PLPP4: variants seen among roughly 807,000 people sequenced by gnomAD.
The protein encoded by PLPP4 is diacylglycerol pyrophosphate like 2.
PLPP4 carries 20 observed loss-of-function variants against 32.2 expected under a neutral mutation model. That is an observed-to-expected ratio of 0.62 (90% CI 0.44 to 0.90). PLPP4 has a LOEUF of 0.90. PLPP4 is among the 40% of genes least tolerant of loss of function. The pLI, the probability that PLPP4 is intolerant of heterozygous loss-of-function variation, is 0.00. For missense variants in PLPP4, 257 were observed against 353.1 expected (o/e 0.73, Z 2.18); for synonymous variants, 127 against 133.0 (o/e 0.95, Z 0.31).
chr10:120,522,060 T>A lies in PLPP4; in HGVS notation c.445+965T>A, dbSNP rs544221000. Among the ~76,000 whole-genome samples, 8 of 152,106 alleles carry A rather than the reference T, an allele frequency of 5.3e-5. No homozygotes were observed. The East Asian group carries it at 1.5e-3, about 29-fold the overall frequency. On this transcript the variant is annotated intron_variant, in intron 5 of 6. Coordinates refer to ENST00000398250, the MANE Select transcript of PLPP4 (RefSeq NM_001030059.3). The stretch of plus-strand genomic sequence containing the variant: ...TGCCCAGGTAGTGACAGATGGTGTA[T>A]TTAAGTTGATGATTCCTGGGATAAT...
rs1446553300 is a variant in PLPP4 at position 120,457,258 on chromosome 10, G to C, written c.-48G>C. The C allele has an allele frequency of 2.8e-6, 4 of 1,417,198 alleles. No individual in the cohort carries two copies. Among genetic ancestry groups the C allele is most frequent in the Non-Finnish European group, 2.8e-6 (3 of 1,070,840 alleles). 87.8% of individuals were successfully genotyped at this position (1,417,198 alleles called of 1,614,324 possible). ...AGCCGGCGCCGGCCGAGCTGCGGGAGCCGCGGAGAGCACCAGCTGACGCCG... is the reference window on the plus strand; with the variant it reads ...AGCCGGCGCCGGCCGAGCTGCGGGACCCGCGGAGAGCACCAGCTGACGCCG... On this transcript the variant is annotated 5_prime_UTR_variant, in exon 1 of 7. Coordinates refer to ENST00000398250, the MANE Select transcript of PLPP4 (RefSeq NM_001030059.3).
chr10:120,565,261 T>G (rs1158041565), intron 5 of PLPP4, among the ~76,000 whole-genome samples: 2 of 152,040 alleles, frequency 1.3e-5, no homozygotes, highest in Non-Finnish European at 2.9e-5. Context: ...TGTATCAGCC[T>G]TACAACTTTC....
At chr10:120,566,622 A>AACCTCC (rs1222217501) in intron 5 of PLPP4, among the ~76,000 whole-genome samples, 4 of 150,068 alleles carry the variant, frequency 2.7e-5, no homozygotes, top group Admixed American at 2.0e-4. Context: ...AGCCCACTGT[A>AACCTCC]ACCTCCACCT....
chr10:120,515,267 G>A (rs535683400), intron 3 of PLPP4, among the ~76,000 whole-genome samples: 2 of 152,340 alleles, frequency 1.3e-5, no homozygotes, highest in African/African-American at 4.8e-5. Flanking sequence ...GGGCCATCAG[G>A]AGGGGAGACC....
intron 5 of PLPP4, among the ~76,000 whole-genome samples, chr10:120,544,195 G>A (rs1847499907): frequency 6.6e-6 from 1 of 152,156 alleles, no homozygotes; most frequent in Non-Finnish European, 1.5e-5. Flanking sequence ...CCACTATACT[G>A]CTTTCCACCG....
chr10:120,487,225 T>A (rs1238426417), intron 1 of PLPP4, among the ~76,000 whole-genome samples: 1 of 152,230 alleles, frequency 6.6e-6, no homozygotes, highest in Non-Finnish European at 1.5e-5. Context: ...AGATTGAGCG[T>A]GGTGAGAGTA....
chr10:120,469,428 C>T (rs1423951953), intron 1 of PLPP4, among the ~76,000 whole-genome samples: 5 of 152,004 alleles, frequency 3.3e-5, no homozygotes, highest in East Asian at 1.9e-4. Context: ...AGGGTTTCAC[C>T]GTGTTAGCCA....
At chr10:120,476,064 C>T (rs775465222) in intron 1 of PLPP4, among the ~76,000 whole-genome samples, 1 of 152,204 alleles carries the variant, frequency 6.6e-6, no homozygotes, top group Non-Finnish European at 1.5e-5. Context: ...GTGCCTGCAT[C>T]ACCACTGTCC....
rs980669685 is a variant in PLPP4, at chr10:120,591,500, C to G, written c.*1998C>G. ...AAAAGACATAATTTTAAATTCTGAGCTAAAATTCATTTAAAATTAGAAAAT... is the reference window on the plus strand; with the variant it reads ...AAAAGACATAATTTTAAATTCTGAGGTAAAATTCATTTAAAATTAGAAAAT... On this transcript the variant is annotated 3_prime_UTR_variant, in exon 7 of 7. Coordinates refer to ENST00000398250, the MANE Select transcript of PLPP4 (RefSeq NM_001030059.3). Among the ~76,000 whole-genome samples, 3 of 151,936 alleles carry G rather than the reference C, an allele frequency of 2.0e-5. No individual in the cohort carries two copies. The highest frequency in any genetic ancestry group is 7.3e-5 in the African/African-American group (3 of 41,366).
At chr10:120,520,302 G>A (rs1323163952) in intron 4 of PLPP4, among the ~76,000 whole-genome samples, 8 of 152,184 alleles carry the variant, frequency 5.3e-5, no homozygotes, top group African/African-American at 1.9e-4. Context: ...TCTCAGTGAG[G>A]CCAGGTGAGG....
chr10:120,518,453 G>T (rs1004978512), intron 3 of PLPP4, among the ~76,000 whole-genome samples: 3 of 152,182 alleles, frequency 2.0e-5, no homozygotes, highest in Admixed American at 1.3e-4. Flanking sequence ...TGAGAAGGTT[G>T]CCAGGAGGAA....
intron 5 of PLPP4, among the ~76,000 whole-genome samples, chr10:120,556,234 C>A (rs372300708): frequency 1.3e-5 from 2 of 152,196 alleles, no homozygotes; most frequent in East Asian, 1.9e-4. Context: ...CTGGAAGTAA[C>A]TTTTGATCAC....
chr10:120,536,385 G>A (rs6585633), intron 5 of PLPP4, among the ~76,000 whole-genome samples: 7,965 of 152,026 alleles, frequency 0.052, 295 homozygotes, highest in Middle Eastern at 0.14. Flanking sequence ...GGAAACTGAT[G>A]CATATAGGGT....
intron 1 of PLPP4, 49 bp downstream of exon 1, chr10:120,457,410 C>A: frequency 6.7e-7 from 1 of 1,488,670 alleles, no homozygotes; most frequent in Non-Finnish European, 9.1e-7. Flanking sequence ...GGGGGAACAA[C>A]CGACCAAGCC....
intron 5 of PLPP4, among the ~76,000 whole-genome samples, chr10:120,571,832 C>T (rs1848955232): frequency 6.6e-6 from 1 of 152,182 alleles, no homozygotes; most frequent in Non-Finnish European, 1.5e-5. Flanking sequence ...CAGACATGCC[C>T]TTGGGCCAGA....
intron 5 of PLPP4, among the ~76,000 whole-genome samples, chr10:120,549,687 G>A (rs1301915255): frequency 6.6e-6 from 1 of 151,932 alleles, no homozygotes; most frequent in Non-Finnish European, 1.5e-5. Flanking sequence ...AAATGCAGTT[G>A]ATTTAAAAGT....
chr10:120,480,861 G>A (rs11199365), intron 1 of PLPP4, among the ~76,000 whole-genome samples: 8 of 152,144 alleles, frequency 5.3e-5, no homozygotes, highest in Non-Finnish European at 1.2e-4. Flanking sequence ...TCAGGCCCAA[G>A]TTGGGCTCTA....
intron 5 of PLPP4, among the ~76,000 whole-genome samples, chr10:120,523,514 A>G (rs1482719583): frequency 6.6e-6 from 1 of 152,052 alleles, no homozygotes. Context: ...GTTTCCAGGG[A>G]GTCCCATGCT....
In PLPP4 at chr10:120,495,774, G is replaced by A. The variant is rs571385663; in HGVS notation, c.57-8044G>A. ...CCCAACACACAACCTCACTACCCTC[G>A]GGTGGGGCTTAAAGAAGGTGGGGCA... On this transcript the variant is annotated intron_variant, in intron 1 of 6. Transcript: ENST00000398250. 2.0e-4 allele frequency among the ~76,000 whole-genome samples: 31 copies of A among 152,138 alleles called. No individual in the cohort carries two copies. In the South Asian group the frequency reaches 4.6e-3, roughly 22 times the overall value.
Sources: gnomAD v4.1 joint callset for allele counts (sites outside exome capture counted in the v4.1 genomes callset) on GRCh38, gnomAD v4.1.1 for gene constraint, MANE v1.5 for transcripts, NCBI Gene and HGNC (gene_info 2026-07-23, HGNC 2026-07-21) for gene names.